SYT16: variants seen among roughly 807,000 people sequenced by gnomAD.
SYT16 encodes the protein synaptotagmin 16.
Under a neutral mutation model 61.4 loss-of-function variants are expected in SYT16, and 42 were observed. The ratio of observed to expected loss-of-function variants is 0.68; its 90% CI spans 0.53 to 0.89. SYT16 has a LOEUF of 0.89. Among genes scored for constraint, SYT16 ranks in the 40% least tolerant of loss-of-function variants. SYT16 has a pLI of 0.00. For synonymous variants in SYT16, 314 were observed against 302.3 expected (o/e 1.04, Z -0.40); for missense variants, 804 against 807.3 (o/e 1.00, Z 0.05).
At chr14:61,892,375 C>T (rs1057081597) in intron 1 of SYT16, among the ~76,000 whole-genome samples, 2 of 152,098 alleles carry the variant, frequency 1.3e-5, no homozygotes, top group Non-Finnish European at 2.9e-5. Flanking sequence ...TCTCTTTGCC[C>T]TCGCTTTGTC....
intron 1 of SYT16, among the ~76,000 whole-genome samples, chr14:61,953,623 G>A (rs2050757353): frequency 6.6e-6 from 1 of 152,148 alleles, no homozygotes. Context: ...GAGGTCTAGG[G>A]CCTCACCTCT....
rs2140886542 is a variant in SYT16 at position 62,050,610 on chromosome 14, C to T, written c.524-18993C>T. ...TCCCCCATCTTTGTGGTTTTATCTACCTTTGGTCTTTGATGATGGTGACGT... is the reference window on the plus strand; with the variant it reads ...TCCCCCATCTTTGTGGTTTTATCTATCTTTGGTCTTTGATGATGGTGACGT... On this transcript the variant is annotated intron_variant, in intron 3 of 7. Transcript: ENST00000683842. 1.3e-5 allele frequency among the ~76,000 whole-genome samples: 2 copies of T among 152,226 alleles called. 1 individual carries two copies. Among genetic ancestry groups the T allele is most frequent in the Non-Finnish European group, 2.9e-5 (2 of 68,028 alleles).
rs566120392 is a variant in SYT16 at position 62,103,519 on chromosome 14, T to C, written c.*2812T>C. On this transcript the variant is annotated 3_prime_UTR_variant, in exon 8 of 8. Coordinates refer to ENST00000683842, the MANE Select transcript of SYT16 (RefSeq NM_001367656.1). Reference sequence around the variant, plus strand: ...TTTTAGGGTGTGAGTTTACACTGAATTGAGAAATCCTGATTTCACCAATTA... The same window carrying C: ...TTTTAGGGTGTGAGTTTACACTGAACTGAGAAATCCTGATTTCACCAATTA... 3 of 152,326 alleles carry C rather than the reference T, an allele frequency of 2.0e-5. No homozygotes were observed. In the East Asian group the frequency reaches 5.8e-4, roughly 29 times the overall value. The allele number at this position is 152,326 out of a possible 1,614,324, so 9.4% of individuals were successfully genotyped here.
chr14:61,898,678 T>C (rs935873213), intron 1 of SYT16, among the ~76,000 whole-genome samples: 3 of 152,192 alleles, frequency 2.0e-5, no homozygotes, highest in African/African-American at 7.2e-5. Flanking sequence ...GAGTGTACAC[T>C]TGAAACCTCA....
At chr14:61,953,756 A>G (rs1033803997) in intron 1 of SYT16, among the ~76,000 whole-genome samples, 1 of 152,174 alleles carries the variant, frequency 6.6e-6, no homozygotes, top group Non-Finnish European at 1.5e-5. Context: ...GCTTGGGTCA[A>G]CCTGAGTGGT....
At chr14:61,951,527 A>G (rs189011496) in intron 1 of SYT16, among the ~76,000 whole-genome samples, 2 of 152,256 alleles carry the variant, frequency 1.3e-5, no homozygotes, top group Admixed American at 1.3e-4. Flanking sequence ...TTCACTCCAA[A>G]TGTTTTCCAA....
At chr14:61,997,907 C>A (rs943179040) in intron 3 of SYT16, among the ~76,000 whole-genome samples, 4 of 151,946 alleles carry the variant, frequency 2.6e-5, no homozygotes, top group African/African-American at 9.7e-5. Flanking sequence ...GATGCTTATT[C>A]ACTAGATTGG....
intron 1 of SYT16, among the ~76,000 whole-genome samples, chr14:61,848,712 CAG>C (rs1308243386): frequency 6.6e-6 from 1 of 152,198 alleles, no homozygotes; most frequent in Non-Finnish European, 1.5e-5. Flanking sequence ...CTCTGGGAGA[CAG>C]AGCCTGGAGT....
At chr14:62,079,790 A>G (rs1362742758) in intron 5 of SYT16, among the ~76,000 whole-genome samples, 2 of 152,202 alleles carry the variant, frequency 1.3e-5, no homozygotes, top group South Asian at 2.1e-4. Context: ...GGGGTGGTTC[A>G]TTATAATAAA....
At chr14:61,869,775 CT>C (rs2047272858) in intron 1 of SYT16, among the ~76,000 whole-genome samples, 1 of 152,088 alleles carries the variant, frequency 6.6e-6, no homozygotes, top group Non-Finnish European at 1.5e-5. Context: ...TTTTCTTTCC[CT>C]TTTTTTGTTC....
chr14:61,909,436 C>G (rs140329123), intron 1 of SYT16, among the ~76,000 whole-genome samples: 1 of 152,166 alleles, frequency 6.6e-6, no homozygotes, highest in South Asian at 2.1e-4. Flanking sequence ...TTCTTTGCCT[C>G]CCCTTATGGC....
intron 1 of SYT16, among the ~76,000 whole-genome samples, chr14:61,896,374 A>G (rs1051574055): frequency 2.0e-5 from 3 of 152,202 alleles, no homozygotes; most frequent in African/African-American, 7.2e-5. Flanking sequence ...TGCCTACTTC[A>G]TTTCCACATA....
In SYT16 at chr14:61,832,424, C is replaced by T. The variant is rs1003247580; in HGVS notation, c.-325+19614C>T. ...CTCTATGCCCGGTGTCCCGCGACCC[C>T]AGTAGTTCTTTTTTGTTTTTTTCTT... On this transcript the variant is annotated intron_variant, in intron 1 of 7. Coordinates refer to ENST00000683842, the MANE Select transcript of SYT16 (RefSeq NM_001367656.1). 7 of 458,834 alleles carry T rather than the reference C, an allele frequency of 1.5e-5. No homozygotes were observed. In the East Asian group the frequency reaches 1.6e-4, roughly 10 times the overall value. The allele number at this position is 458,834 out of a possible 1,614,324, so 28.4% of individuals were successfully genotyped here.
intron 1 of SYT16, among the ~76,000 whole-genome samples, chr14:61,817,608 C>T (rs1280052471): frequency 6.6e-6 from 1 of 151,934 alleles, no homozygotes; most frequent in African/African-American, 2.4e-5. Context: ...ATGGCTGAGG[C>T]ACTGTTCAGA....
At chr14:61,928,800 G>GCATA (rs1274731965) in intron 1 of SYT16, among the ~76,000 whole-genome samples, 1 of 152,120 alleles carries the variant, frequency 6.6e-6, no homozygotes, top group Admixed American at 6.6e-5. Context: ...TGAGGCTAGG[G>GCATA]CATAACACAC....
chr14:62,095,182 T>A (rs1439795160), intron 7 of SYT16, among the ~76,000 whole-genome samples: 2 of 152,070 alleles, frequency 1.3e-5, no homozygotes, highest in African/African-American at 4.8e-5. Flanking sequence ...AGTGGATATT[T>A]TAAGGAAATC....
At chr14:61,884,799 T>G (rs2140325184) in intron 1 of SYT16, among the ~76,000 whole-genome samples, 1 of 152,278 alleles carries the variant, frequency 6.6e-6, no homozygotes, top group Non-Finnish European at 1.5e-5. Context: ...AGATCTGTTA[T>G]GTTGATTGGG....
chr14:62,050,874 C>A (rs2055247686), intron 3 of SYT16, among the ~76,000 whole-genome samples: 1 of 152,176 alleles, frequency 6.6e-6, no homozygotes. Flanking sequence ...AGGTGTCAGT[C>A]CGCCCCTACT....
intron 1 of SYT16, among the ~76,000 whole-genome samples, chr14:61,842,736 G>A (rs2046334081): frequency 1.3e-5 from 2 of 151,436 alleles, no homozygotes; most frequent in African/African-American, 2.4e-5. Context: ...GAGAACACAT[G>A]GACACAGGAA....
Sources: gnomAD v4.1 joint callset for allele counts (sites outside exome capture counted in the v4.1 genomes callset) on GRCh38, gnomAD v4.1.1 for gene constraint, MANE v1.5 for transcripts, NCBI Gene and HGNC (gene_info 2026-07-23, HGNC 2026-07-21) for gene names.